The following DLGAP1 variants were observed in gnomAD, a reference collection of about 807,000 sequenced individuals.
DLGAP1 encodes disks large-associated protein 1.
In DLGAP1, 11 loss-of-function variants were observed where a neutral mutation model predicts 90.8. The ratio of observed to expected loss-of-function variants is 0.12; its 90% CI spans 0.08 to 0.20. DLGAP1 has a LOEUF of 0.20. DLGAP1 is among the 10% of genes least tolerant of loss of function. The probability of loss-of-function intolerance (pLI) is 1.00; values close to 1 mark genes in which losing one functional copy is unlikely to be tolerated. For missense variants in DLGAP1, 1,050 were observed against 1,333.8 expected (o/e 0.79, Z 3.31); for synonymous variants, 558 against 540.7 (o/e 1.03, Z -0.44).
At chr18:4,061,187 T>C (rs995260144) in intron 2 of DLGAP1, among the ~76,000 whole-genome samples, 7 of 152,188 alleles carry the variant, frequency 4.6e-5, no homozygotes, top group Admixed American at 3.9e-4. Flanking sequence ...TAACATGTAC[T>C]TGAGACTACT....
chr18:3,604,460 A>ACG (rs1491038638), intron 7 of DLGAP1: 1 of 151,252 alleles, frequency 6.6e-6, no homozygotes, highest in Non-Finnish European at 1.5e-5. Flanking sequence ...GCACACGCAC[A>ACG]CACACACACA....
chr18:4,054,176 A>G (rs1299021674), intron 2 of DLGAP1, among the ~76,000 whole-genome samples: 2 of 152,130 alleles, frequency 1.3e-5, no homozygotes, highest in East Asian at 1.9e-4. Context: ...TTAGGTCTGA[A>G]TATGTATTCT....
At chr18:3,914,630 G>A (rs183947660) in intron 3 of DLGAP1, among the ~76,000 whole-genome samples, 15 of 152,232 alleles carry the variant, frequency 9.9e-5, no homozygotes, top group African/African-American at 3.6e-4. Context: ...ATTTTTTGAG[G>A]AACTCCTATA....
chr18:4,113,681 C>A (rs1049050752), intron 2 of DLGAP1, among the ~76,000 whole-genome samples: 1 of 152,138 alleles, frequency 6.6e-6, no homozygotes, highest in East Asian at 1.9e-4. Flanking sequence ...GTCGTAAATT[C>A]TTTCTCAAGG....
At position 4,363,448 on chromosome 18, in the gene DLGAP1, C is replaced by G. The variant is rs145444619; in HGVS notation, c.-267+91558G>C. The stretch of plus-strand genomic sequence containing the variant: ...ACAGGATAACTAAGCTGTCCTAACA[C>G]AGTGAGTGGTAACTTCCAGGAAACC... On this transcript the variant is annotated intron_variant, in intron 1 of 12. Coordinates refer to ENST00000315677, the MANE Select transcript of DLGAP1 (RefSeq NM_004746.4). Among the ~76,000 whole-genome samples, 15 of 152,292 alleles carry G rather than the reference C, an allele frequency of 9.8e-5. No homozygotes were observed. In the East Asian group the frequency reaches 2.9e-3, roughly 29 times the overall value.
chr18:4,313,414 T>C (rs1000180236), intron 1 of DLGAP1, among the ~76,000 whole-genome samples: 1 of 152,138 alleles, frequency 6.6e-6, no homozygotes, highest in Non-Finnish European at 1.5e-5. Flanking sequence ...GAGATGCAGT[T>C]AGCCATGCAG....
intron 4 of DLGAP1, among the ~76,000 whole-genome samples, chr18:3,827,308 G>A (rs2067772950): frequency 6.6e-6 from 1 of 152,154 alleles, no homozygotes; most frequent in Admixed American, 6.5e-5. Flanking sequence ...ACCCTTAGAA[G>A]TTTGGAGCTA....
At chr18:3,882,615 C>A (rs1474118095) in intron 3 of DLGAP1, among the ~76,000 whole-genome samples, 1 of 152,086 alleles carries the variant, frequency 6.6e-6, no homozygotes, top group East Asian at 1.9e-4. Context: ...TGAAGGACCC[C>A]AGACCTAATA....
intron 1 of DLGAP1, among the ~76,000 whole-genome samples, chr18:4,265,714 G>T (rs1441436508): frequency 1.5e-5 from 2 of 131,212 alleles, no homozygotes; most frequent in East Asian, 5.0e-4. Context: ...CCTCTCTTCA[G>T]TGTCTCACTG....
intron 4 of DLGAP1, among the ~76,000 whole-genome samples, chr18:3,869,390 C>T (rs926511884): frequency 6.6e-6 from 1 of 152,058 alleles, no homozygotes; most frequent in Non-Finnish European, 1.5e-5. Context: ...AGCGAAACCC[C>T]GTCTCTACAT....
At chr18:3,861,204 T>C (rs1033707074) in intron 4 of DLGAP1, among the ~76,000 whole-genome samples, 1 of 152,186 alleles carries the variant, frequency 6.6e-6, no homozygotes, top group East Asian at 1.9e-4. Context: ...AGGGATTACA[T>C]TGTTATAGGA....
intron 3 of DLGAP1, among the ~76,000 whole-genome samples, chr18:3,917,887 T>C (rs1012272880): frequency 2.0e-5 from 3 of 152,160 alleles, no homozygotes; most frequent in African/African-American, 4.8e-5. Flanking sequence ...TTTTTCTTTA[T>C]ATATTGTGGA....
At chr18:4,066,449 A>T (rs1383418396) in intron 2 of DLGAP1, among the ~76,000 whole-genome samples, 3 of 152,204 alleles carry the variant, frequency 2.0e-5, no homozygotes, top group Non-Finnish European at 2.9e-5. Context: ...TCTAATATCC[A>T]GCATCTACAA....
At chr18:4,076,382 A>C (rs1250345773) in intron 2 of DLGAP1, among the ~76,000 whole-genome samples, 1 of 152,144 alleles carries the variant, frequency 6.6e-6, no homozygotes, top group East Asian at 1.9e-4. Context: ...TTATGTATGG[A>C]ATTGACTAAA....
At chr18:3,529,232 G>A (rs1025044385) in intron 10 of DLGAP1, among the ~76,000 whole-genome samples, 1 of 152,120 alleles carries the variant, frequency 6.6e-6, no homozygotes, top group Non-Finnish European at 1.5e-5. Flanking sequence ...GGGTTACTAC[G>A]CTTATCAAGG....
intron 7 of DLGAP1, among the ~76,000 whole-genome samples, chr18:3,602,547 A>T (rs2057112026): frequency 1.4e-5 from 2 of 143,256 alleles, no homozygotes; most frequent in African/African-American, 5.2e-5. Flanking sequence ...GGGAGCCGAG[A>T]TCGCGCCACC....
chr18:4,406,460 T>G (rs1447344709), intron 1 of DLGAP1, among the ~76,000 whole-genome samples: 1 of 152,134 alleles, frequency 6.6e-6, no homozygotes, highest in African/African-American at 2.4e-5. Flanking sequence ...GTAAGGGTGT[T>G]TTTATGCACA....
intron 3 of DLGAP1, among the ~76,000 whole-genome samples, chr18:3,988,668 C>T (rs1308636293): frequency 6.6e-6 from 1 of 152,102 alleles, no homozygotes; most frequent in African/African-American, 2.4e-5. Context: ...AGAGATGAAG[C>T]TTCCACTCAC....
intron 2 of DLGAP1, among the ~76,000 whole-genome samples, chr18:4,146,732 AC>A (rs2076591223): frequency 6.6e-6 from 1 of 152,172 alleles, no homozygotes; most frequent in South Asian, 2.1e-4. Flanking sequence ...CATTAAAAAA[AC>A]GAATTTTCAA....
Sources: allele counts gnomAD v4.1 joint callset (sites outside exome capture counted in the v4.1 genomes callset), GRCh38; gene constraint gnomAD v4.1.1; transcripts MANE v1.5; gene names NCBI Gene and HGNC (gene_info 2026-07-23, HGNC 2026-07-21).